Variants in TRABD2A observed in about 807,000 individuals in gnomAD.
TRABD2A encodes the protein metalloprotease TIKI1.
TRABD2A carries 43 observed loss-of-function variants against 45.6 expected under a neutral mutation model. The ratio of observed to expected loss-of-function variants is 0.94; its 90% CI spans 0.74 to 1.22. TRABD2A has a LOEUF of 1.22. Ranked by LOEUF, TRABD2A falls within the 50% of genes most tolerant of loss-of-function variation. The probability of loss-of-function intolerance (pLI) is 0.00; values close to 1 mark genes in which losing one functional copy is unlikely to be tolerated. For missense variants in TRABD2A, 642 were observed against 652.4 expected, an observed-to-expected ratio of 0.98 and a Z score of 0.17; for synonymous variants, 269 against 265.0, an observed-to-expected ratio of 1.02 and a Z score of -0.15.
chr2:84,836,887 T>C (rs545410343), intron 4 of TRABD2A: 71 of 152,236 alleles, frequency 4.7e-4, no homozygotes, highest in African/African-American at 1.5e-3. Context: ...TCCTATTTGG[T>C]TCTTTTAAAA....
chr2:84,836,379 C>T (rs927893056), intron 4 of TRABD2A: 3 of 152,150 alleles, frequency 2.0e-5, no homozygotes, highest in Admixed American at 1.3e-4. Flanking sequence ...CTCCCATAGC[C>T]TTCTGGCTTG....
intron 2 of TRABD2A, among the ~76,000 whole-genome samples, chr2:84,848,337 G>C (rs6730478): frequency 0.095 from 5,812 of 61,112 alleles, 368 homozygotes; most frequent in African/African-American, 0.29. Flanking sequence ...ATGATAGATA[G>C]ATAGATAGAT....
At chr2:84,867,352 T>A (rs1228754679) in intron 2 of TRABD2A, among the ~76,000 whole-genome samples, 2 of 152,198 alleles carry the variant, frequency 1.3e-5, no homozygotes, top group Non-Finnish European at 2.9e-5. Flanking sequence ...AAATATGTTA[T>A]CTTAAGAGAC....
chr2:84,879,214 C>T (rs1423117142), intron 1 of TRABD2A, among the ~76,000 whole-genome samples: 2 of 147,204 alleles, frequency 1.4e-5, no homozygotes, highest in East Asian at 2.0e-4. Context: ...TATAGGGTCT[C>T]GCTCTTTCAC....
rs1440336706 is a variant in TRABD2A at position 84,830,241 on chromosome 2, G to A, written c.1082+1814C>T. ...AACAGGAAGGAGAGAGGCAGGAGAC[G>A]TGAGCCTGCAACAGAGCTGACTCAG... On this transcript the variant is annotated intron_variant, in intron 5 of 6. Coordinates refer to ENST00000409520, the MANE Select transcript of TRABD2A (RefSeq NM_001277053.2). The surrounding 1 kb of genome is among the most constrained non-coding windows in gnomAD (Gnocchi z 4.9). Among the ~76,000 whole-genome samples, 2 of 152,128 alleles carry A rather than the reference G, an allele frequency of 1.3e-5. No homozygotes were observed. The highest frequency in any genetic ancestry group is 2.4e-5 in the African/African-American group (1 of 41,400).
Position 84,852,460 on chromosome 2 carries a change from G to A in TRABD2A, c.670-10453C>T, listed in dbSNP as rs905063263. Among the ~76,000 whole-genome samples the A allele has an allele frequency of 9.2e-5, 14 of 152,024 alleles. No homozygotes were observed. In the East Asian group the frequency reaches 1.7e-3, roughly 19 times the overall value. On this transcript the variant is annotated intron_variant, in intron 2 of 6. Coordinates refer to ENST00000409520, the MANE Select transcript of TRABD2A (RefSeq NM_001277053.2). ...TGGGGAAGGGGTTGCCAGAATGACC[G>A]CAGAGTTGAGGGAGGATGGCCAAAA...
rs541211085 is a variant in TRABD2A at position 84,864,888 on chromosome 2, T to G, written c.669+5337A>C. ...CCACAGGAGTCTTCCTCAGGCCATC[T>G]AGCACCTCCCCAGCTCCCACTCCTC... On this transcript the variant is annotated intron_variant, in intron 2 of 6. Coordinates refer to ENST00000409520, the MANE Select transcript of TRABD2A (RefSeq NM_001277053.2). 8.0e-4 allele frequency among the ~76,000 whole-genome samples: 122 copies of G among 152,274 alleles called. 1 individual carries two copies. The highest frequency in any genetic ancestry group is 2.9e-3 in the African/African-American group (121 of 41,564).
intron 2 of TRABD2A, among the ~76,000 whole-genome samples, chr2:84,849,069 T>C (rs1681999652): frequency 6.6e-6 from 1 of 150,592 alleles, no homozygotes; most frequent in African/African-American, 2.5e-5. Context: ...AAATCAAGGT[T>C]CCCTGCAGTC....
chr2:84,863,767 A>C (rs1293639492), intron 2 of TRABD2A, among the ~76,000 whole-genome samples: 1 of 151,470 alleles, frequency 6.6e-6, no homozygotes, highest in African/African-American at 2.4e-5. Flanking sequence ...GCCCGCCACC[A>C]CACCTGGCTA....
chr2:84,879,351 T>G (rs1683129666), intron 1 of TRABD2A, among the ~76,000 whole-genome samples: 1 of 152,038 alleles, frequency 6.6e-6, no homozygotes. Context: ...GGTAATTTTT[T>G]TTATTTTTTT....
chr2:84,846,910 G>T (rs1681916400), intron 2 of TRABD2A, among the ~76,000 whole-genome samples: 1 of 152,238 alleles, frequency 6.6e-6, no homozygotes. Flanking sequence ...ACAAACCAGG[G>T]AGGCAGGTCA....
In TRABD2A at chr2:84,859,674, G is replaced by A. The variant is rs116274543; in HGVS notation, c.669+10551C>T. On this transcript the variant is annotated intron_variant, in intron 2 of 6. Transcript: ENST00000409520. ...CAGGGACCAAGAATAGGACCCAATG[G>A]TTCTCCAACTTGCTTGTGCATCAGA... Among the ~76,000 whole-genome samples, 476 of 152,272 alleles carry A rather than the reference G, an allele frequency of 3.1e-3. 2 individuals carry two copies. The highest frequency in any genetic ancestry group is 4.6e-3 in the Admixed American group (71 of 15,298).
At chr2:84,855,818 C>T (rs900732634) in intron 2 of TRABD2A, among the ~76,000 whole-genome samples, 2 of 152,074 alleles carry the variant, frequency 1.3e-5, no homozygotes, top group South Asian at 2.1e-4. Flanking sequence ...GGCATTGTTG[C>T]GTTAGCCCAG....
intron 4 of TRABD2A, chr2:84,835,608 G>A (rs1667225678): frequency 6.6e-6 from 1 of 152,146 alleles, no homozygotes; most frequent in African/African-American, 2.4e-5. Flanking sequence ...GTAGAGATGA[G>A]GTCTCACTGT....
chr2:84,880,801 C>G, intron 1 of TRABD2A, 131 bp downstream of exon 1: 1 of 1,351,248 alleles, frequency 7.4e-7, no homozygotes, highest in Non-Finnish European at 1.0e-6. Context: ...AGGAGCGCCG[C>G]GGTGCTAGGT....
At chr2:84,831,546 G>A (rs1039806558) in intron 5 of TRABD2A, among the ~76,000 whole-genome samples, 2 of 144,380 alleles carry the variant, frequency 1.4e-5, no homozygotes, top group African/African-American at 5.3e-5. Context: ...AAAAAAAAAA[G>A]AGAGAGAAAT....
intron 2 of TRABD2A, among the ~76,000 whole-genome samples, chr2:84,842,962 C>A (rs933268062): frequency 6.6e-6 from 1 of 151,460 alleles, no homozygotes; most frequent in Non-Finnish European, 1.5e-5. Flanking sequence ...CCAGCTCTGA[C>A]CCAGATCTCC....
At chr2:84,839,836 G>T (rs962893626) in intron 3 of TRABD2A, among the ~76,000 whole-genome samples, 1 of 151,730 alleles carries the variant, frequency 6.6e-6, no homozygotes, top group Non-Finnish European at 1.5e-5. Context: ...AATGTTCTTT[G>T]CCCTCCTGGC....
At position 84,824,053 on chromosome 2, in the gene TRABD2A, G is replaced by C. The variant is rs1573912834; in HGVS notation, c.1234C>G (p.Pro412Ala). ...CGGAACCTCTGTTCGGCCTCACTGG[G>C]CGTGTCGGCACTTCCAGGCCGGGAC... ...LVSRPGSADT[P>A]SEAEQRFRKK... The change falls in exon 6 of 7, where the codon CCC becomes GCC. Residue 412 changes from proline to alanine, a missense_variant. Transcript: ENST00000409520. 6.2e-7 allele frequency: 1 copy of C among 1,613,852 alleles called. No individual in the cohort carries two copies. Among genetic ancestry groups the C allele is most frequent in the Non-Finnish European group, 8.5e-7 (1 of 1,179,826 alleles).
Sources: allele counts gnomAD v4.1 joint callset (sites outside exome capture counted in the v4.1 genomes callset), GRCh38; gene constraint gnomAD v4.1.1; non-coding constraint Gnocchi (gnomAD v3.1); transcripts MANE v1.5; gene names NCBI Gene and HGNC (gene_info 2026-07-23, HGNC 2026-07-21).